Variants in DYRK1A observed in about 807,000 individuals in gnomAD.
The protein encoded by DYRK1A is dual specificity tyrosine-phosphorylation-regulated kinase 1A.
A neutral mutation model predicts 79.7 loss-of-function variants in DYRK1A; 9 were observed. That is an observed-to-expected ratio of 0.11 (90% CI 0.07 to 0.20). The LOEUF is 0.20. Among genes scored for constraint, DYRK1A ranks in the 10% least tolerant of loss-of-function variants. The pLI is 1.00. For synonymous variants in DYRK1A, 349 were observed against 329.7 expected (o/e 1.06, Z -0.63); for missense variants, 622 against 956.0 (o/e 0.65, Z 4.61).
At chr21:37,369,913 A>G (rs2049397122) in intron 1 of DYRK1A, among the ~76,000 whole-genome samples, 1 of 152,254 alleles carries the variant, frequency 6.6e-6, no homozygotes, top group African/African-American at 2.4e-5. Context: ...CCAGTTTTTT[A>G]GAGGCAGTAA....
chr21:37,378,480 C>T (rs1293247124), intron 1 of DYRK1A, among the ~76,000 whole-genome samples: 7 of 152,170 alleles, frequency 4.6e-5, no homozygotes, highest in African/African-American at 1.2e-4. Flanking sequence ...GGTGGTGAGC[C>T]GGAGATCACG....
At chr21:37,507,317 G>T (rs146295209) in intron 11 of DYRK1A, among the ~76,000 whole-genome samples, 2 of 152,076 alleles carry the variant, frequency 1.3e-5, no homozygotes, top group Admixed American at 6.5e-5. Context: ...CCTCAGCTCC[G>T]GTGTCTTCAC....
Position 37,472,698 on chromosome 21 carries a change from G to A in DYRK1A, c.25G>A (p.Ala9Thr). MHTGGETS[A>T]CKPSSVRLAP... ...TCTTCTTGTAGGAGGAGAGACTTCA[G>A]CATGCAAACCTTCATCTGTTCGGCT... Residue 9 changes from alanine to threonine, a missense_variant, in exon 3 of 12, where the codon GCA becomes ACA. By Grantham distance (58) the Ala-to-Thr change is moderately conservative. Coordinates refer to ENST00000647188, the MANE Select transcript of DYRK1A (RefSeq NM_001347721.2). 1 of 1,589,610 alleles carries A rather than the reference G, an allele frequency of 6.3e-7. No individual in the cohort carries two copies. The highest frequency in any genetic ancestry group is 8.6e-7 in the Non-Finnish European group (1 of 1,164,730).
At chr21:37,490,697 C>T (rs937423043) in intron 7 of DYRK1A, among the ~76,000 whole-genome samples, 1 of 151,600 alleles carries the variant, frequency 6.6e-6, no homozygotes, top group African/African-American at 2.4e-5. Context: ...TAAAATGTAG[C>T]ACTTAATTAC....
chr21:37,394,288 T>C (rs746079812), intron 1 of DYRK1A, among the ~76,000 whole-genome samples: 6 of 151,792 alleles, frequency 4.0e-5, no homozygotes. Flanking sequence ...TTAGGGTACA[T>C]GTGCACAACA....
rs2053948821 is a variant in DYRK1A, at chr21:37,523,489, CTA to C, written c.*10960_*10961del. ...AGAGAGATTCATTATGTTCTAATGA[CTA>C]TGAGGGAAGCTTTAGTTTTTGTCTC... On this transcript the variant is annotated 3_prime_UTR_variant, in exon 12 of 12. Coordinates refer to ENST00000647188, the MANE Select transcript of DYRK1A (RefSeq NM_001347721.2). The C allele has an allele frequency of 6.6e-6, 1 of 152,198 alleles. No individual in the cohort carries two copies. Among genetic ancestry groups the C allele is most frequent in the Non-Finnish European group, 1.5e-5 (1 of 68,044 alleles). 9.4% of individuals were successfully genotyped at this position (152,198 alleles called of 1,614,324 possible). A position where few individuals can be genotyped will look rare whatever the true frequency, so the allele number is the denominator to read the frequency against.
chr21:37,378,064 A>G (rs1247838854), intron 1 of DYRK1A, among the ~76,000 whole-genome samples: 1 of 152,212 alleles, frequency 6.6e-6, no homozygotes, highest in Non-Finnish European at 1.5e-5. Flanking sequence ...AATCTCACCA[A>G]CACTGTTGTT....
chr21:37,383,142 T>C (rs2049692355), intron 1 of DYRK1A, among the ~76,000 whole-genome samples: 1 of 152,218 alleles, frequency 6.6e-6, no homozygotes, highest in Non-Finnish European at 1.5e-5. Context: ...CAGAGGCCAG[T>C]GATCTGCAGA....
Position 37,367,278 on chromosome 21 carries a change from ATCC to A in DYRK1A, c.-421_-419del, listed in dbSNP as rs1328213746. The A allele has an allele frequency of 1.3e-5, 2 of 149,464 alleles. No homozygotes were observed. The highest frequency in any genetic ancestry group is 3.0e-5 in the Non-Finnish European group (2 of 67,240). The allele number at this position is 149,464 out of a possible 1,614,324, so 9.3% of individuals were successfully genotyped here. On this transcript the variant is annotated 5_prime_UTR_variant, in exon 1 of 12. Transcript: ENST00000647188. ...CGCGCCATTTTGTGAGATTTACAAAATCCTCCTCGGGAAGAAGCCGCCGGCAGC... is the reference window on the plus strand; with the variant it reads ...CGCGCCATTTTGTGAGATTTACAAAATCCTCGGGAAGAAGCCGCCGGCAGC...
chr21:37,380,341 T>C (rs2049631529), intron 1 of DYRK1A, among the ~76,000 whole-genome samples: 1 of 152,236 alleles, frequency 6.6e-6, no homozygotes, highest in Admixed American at 6.5e-5. Flanking sequence ...TGTAAAAGTT[T>C]GTTGAAACAA....
chr21:37,470,953 A>G (rs2052201752), intron 2 of DYRK1A, among the ~76,000 whole-genome samples: 1 of 152,234 alleles, frequency 6.6e-6, no homozygotes, highest in South Asian at 2.1e-4. Flanking sequence ...TACTTATTTA[A>G]TAAACATTAT....
At chr21:37,496,890 A>G (rs1164537256) in intron 9 of DYRK1A, among the ~76,000 whole-genome samples, 1 of 152,194 alleles carries the variant, frequency 6.6e-6, no homozygotes, top group African/African-American at 2.4e-5. Flanking sequence ...AAAGATACCT[A>G]AACTATGTCA....
At chr21:37,410,202 A>T (rs755991638) in intron 1 of DYRK1A, among the ~76,000 whole-genome samples, 6 of 152,208 alleles carry the variant, frequency 3.9e-5, no homozygotes, top group Non-Finnish European at 8.8e-5. Flanking sequence ...GTTTGTTAAG[A>T]TTTGAGAAGA....
At chr21:37,415,835 A>T (rs1470093967) in intron 1 of DYRK1A, among the ~76,000 whole-genome samples, 1 of 152,100 alleles carries the variant, frequency 6.6e-6, no homozygotes, top group Non-Finnish European at 1.5e-5. Context: ...TTTCTACTAG[A>T]TGAACTTTTG....
intron 2 of DYRK1A, among the ~76,000 whole-genome samples, chr21:37,438,570 T>G (rs1287932569): frequency 6.6e-6 from 1 of 152,236 alleles, no homozygotes; most frequent in East Asian, 1.9e-4. Context: ...TAGAACCATT[T>G]GTCAAAAGGA....
chr21:37,478,133 G>A (rs1569360227), intron 3 of DYRK1A, 75 bp from the exon 4 acceptor site: 14 of 1,591,942 alleles, frequency 8.8e-6, no homozygotes, highest in African/African-American at 1.4e-5. Flanking sequence ...ACAGAAGAGG[G>A]AATTTATATC....
Position 37,517,684 on chromosome 21 carries a change from C to G in DYRK1A, c.*5153C>G, listed in dbSNP as rs2053894963. The G allele has an allele frequency of 6.6e-6, 1 of 152,112 alleles. No individual in the cohort carries two copies. The highest frequency in any genetic ancestry group is 2.1e-4 in the South Asian group (1 of 4,822). The allele number at this position is 152,112 out of a possible 1,614,324, so 9.4% of individuals were successfully genotyped here. On this transcript the variant is annotated 3_prime_UTR_variant, in exon 12 of 12. Coordinates refer to ENST00000647188, the MANE Select transcript of DYRK1A (RefSeq NM_001347721.2). The stretch of plus-strand genomic sequence containing the variant: ...AGGGAGTTGTTAATGAACACCCAGG[C>G]AAGAGGACGGGCCTGAGCCTGAGTG...
chr21:37,469,266 G>C (rs527939050), intron 2 of DYRK1A, among the ~76,000 whole-genome samples: 1 of 152,210 alleles, frequency 6.6e-6, no homozygotes, highest in East Asian at 1.9e-4. Flanking sequence ...CAGCATCTCT[G>C]TGTATACCAA....
chr21:37,407,101 A>G (rs1266699724), intron 1 of DYRK1A, among the ~76,000 whole-genome samples: 2 of 152,072 alleles, frequency 1.3e-5, no homozygotes, highest in East Asian at 1.9e-4. Flanking sequence ...CTTGTTATAC[A>G]CAGATATATT....
Sources: allele counts gnomAD v4.1 joint callset (sites outside exome capture counted in the v4.1 genomes callset), GRCh38; gene constraint gnomAD v4.1.1; transcripts MANE v1.5; gene names NCBI Gene and HGNC (gene_info 2026-07-23, HGNC 2026-07-21).